Variants in NCAM1 observed in about 807,000 individuals in gnomAD.
NCAM1 encodes antigen recognized by monoclonal antibody 5.1H11.
NCAM1 carries 14 observed loss-of-function variants against 109.8 expected under a neutral mutation model. The ratio of observed to expected loss-of-function variants is 0.13; its 90% CI spans 0.08 to 0.20. The LOEUF is 0.20. NCAM1 is among the 10% of genes least tolerant of loss of function. The pLI, the probability that NCAM1 is intolerant of heterozygous loss-of-function variation, is 1.00. For missense variants in NCAM1, 774 were observed against 1,109.9 expected (o/e 0.70, Z 4.30); for synonymous variants, 418 against 442.9 (o/e 0.94, Z 0.70).
chr11:112,995,294 C>A (rs547905353), intron 1 of NCAM1, among the ~76,000 whole-genome samples: 1 of 152,090 alleles, frequency 6.6e-6, no homozygotes, highest in Non-Finnish European at 1.5e-5. Flanking sequence ...ACAGAATTGT[C>A]GGGTTTAGTA....
intron 1 of NCAM1, among the ~76,000 whole-genome samples, chr11:112,980,131 A>G (rs1297440355): frequency 2.0e-5 from 3 of 151,896 alleles, no homozygotes; most frequent in African/African-American, 7.2e-5. Context: ...TGTAAATCAA[A>G]GCCACAGTGA....
At chr11:112,984,353 A>G (rs1951236533) in intron 1 of NCAM1, among the ~76,000 whole-genome samples, 1 of 152,014 alleles carries the variant, frequency 6.6e-6, no homozygotes, top group Non-Finnish European at 1.5e-5. Context: ...CAGTGAACAT[A>G]GGAGTGCACA....
At chr11:113,141,809 A>G (rs1941835089) in intron 1 of NCAM1, among the ~76,000 whole-genome samples, 2 of 152,174 alleles carry the variant, frequency 1.3e-5, no homozygotes, top group South Asian at 4.2e-4. Context: ...CTCGTATATC[A>G]GTTGTCTGCA....
chr11:113,093,249 G>A (rs1308216735), intron 1 of NCAM1, among the ~76,000 whole-genome samples: 1 of 152,170 alleles, frequency 6.6e-6, no homozygotes, highest in African/African-American at 2.4e-5. Context: ...CAAGCAGCCA[G>A]CATGGAGCAG....
chr11:113,165,400 C>A (rs966485454), intron 1 of NCAM1, among the ~76,000 whole-genome samples: 2 of 152,166 alleles, frequency 1.3e-5, no homozygotes, highest in African/African-American at 4.8e-5. Context: ...AGTAGACTCA[C>A]TTAGTCTGTT....
chr11:113,269,136 G>A (rs1946210000), intron 17 of NCAM1, among the ~76,000 whole-genome samples: 1 of 152,116 alleles, frequency 6.6e-6, no homozygotes, highest in Non-Finnish European at 1.5e-5. Flanking sequence ...GACACTGATG[G>A]GAACCACCAA....
intron 17 of NCAM1, chr11:113,262,812 T>G: frequency 6.2e-7 from 1 of 1,610,962 alleles, no homozygotes. Flanking sequence ...AACAACCACA[T>G]TATCTCTGGG....
intron 1 of NCAM1, among the ~76,000 whole-genome samples, chr11:113,197,794 C>T (rs1943900430): frequency 6.6e-6 from 1 of 152,232 alleles, no homozygotes; most frequent in Admixed American, 6.5e-5. Flanking sequence ...CAAGAAGTTG[C>T]TGATTCATGT....
At chr11:113,156,589 A>G (rs2136312939) in intron 1 of NCAM1, among the ~76,000 whole-genome samples, 1 of 152,316 alleles carries the variant, frequency 6.6e-6, no homozygotes, top group African/African-American at 2.4e-5. Flanking sequence ...GACGTGGGCA[A>G]GAAGCAAGTA....
At chr11:112,992,571 G>C (rs1555070744) in intron 1 of NCAM1, among the ~76,000 whole-genome samples, 1 of 147,442 alleles carries the variant, frequency 6.8e-6, no homozygotes, top group East Asian at 2.0e-4. Context: ...GCGTGATCTC[G>C]GCTCATTGCA....
Position 113,151,029 on chromosome 11 carries a change from T to C in NCAM1, c.53-51350T>C, listed in dbSNP as rs376391584. On this transcript the variant is annotated intron_variant, in intron 1 of 19. Transcript: ENST00000316851. ...TCTAATAAGTAGTAGGAGCAGGATATGGCCAGTGAGACAAAGCAGTATTGA... is the reference window on the plus strand; with the variant it reads ...TCTAATAAGTAGTAGGAGCAGGATACGGCCAGTGAGACAAAGCAGTATTGA... 2.0e-5 allele frequency among the ~76,000 whole-genome samples: 3 copies of C among 152,284 alleles called. 1 individual carries two copies. The highest frequency in any genetic ancestry group is 1.9e-4 in the East Asian group (1 of 5,172).
At chr11:113,088,991 G>A (rs1469979367) in intron 1 of NCAM1, among the ~76,000 whole-genome samples, 2 of 152,148 alleles carry the variant, frequency 1.3e-5, no homozygotes, top group African/African-American at 4.8e-5. Context: ...CCAGATCTAT[G>A]CATTTCATTA....
At chr11:112,979,885 G>T (rs972470592) in intron 1 of NCAM1, among the ~76,000 whole-genome samples, 1 of 151,718 alleles carries the variant, frequency 6.6e-6, no homozygotes, top group Non-Finnish European at 1.5e-5. Flanking sequence ...GACTTCATAA[G>T]TATGCAAAAC....
At chr11:113,232,541 A>G (rs782049719) in intron 11 of NCAM1, among the ~76,000 whole-genome samples, 177 bp from the exon 12 acceptor site, 4 of 152,190 alleles carry the variant, frequency 2.6e-5, no homozygotes, top group South Asian at 2.1e-4. Context: ...CCCTCCCTGA[A>G]TGTGCCTCTC....
intron 1 of NCAM1, among the ~76,000 whole-genome samples, chr11:113,186,494 G>A (rs1943512456): frequency 1.3e-5 from 2 of 152,208 alleles, no homozygotes; most frequent in Non-Finnish European, 2.9e-5. Context: ...AACACAGTAA[G>A]AGGTTTGATT....
intron 1 of NCAM1, among the ~76,000 whole-genome samples, chr11:113,122,599 C>T (rs570999074): frequency 2.4e-4 from 36 of 152,218 alleles, no homozygotes; most frequent in African/African-American, 8.2e-4. Flanking sequence ...GCCTAACTAA[C>T]GTGTAGAAAC....
chr11:113,062,700 G>A (rs372623700), intron 1 of NCAM1, among the ~76,000 whole-genome samples: 7 of 152,104 alleles, frequency 4.6e-5, no homozygotes, highest in African/African-American at 9.7e-5. Flanking sequence ...GGCCAGGTGC[G>A]GTGGCTCATG....
chr11:113,089,913 A>C (rs1331584158), intron 1 of NCAM1, among the ~76,000 whole-genome samples: 1 of 152,224 alleles, frequency 6.6e-6, no homozygotes, highest in East Asian at 1.9e-4. Context: ...GTAATTGGAA[A>C]GGTTCTTGTC....
At chr11:113,249,140 G>A (rs981237958) in intron 15 of NCAM1, among the ~76,000 whole-genome samples, 7 of 152,216 alleles carry the variant, frequency 4.6e-5, no homozygotes, top group African/African-American at 1.2e-4. Flanking sequence ...ACACTGACTC[G>A]TACTAGGAAA....
Sources: gnomAD v4.1 joint callset for allele counts (sites outside exome capture counted in the v4.1 genomes callset) on GRCh38, gnomAD v4.1.1 for gene constraint, MANE v1.5 for transcripts, NCBI Gene and HGNC (gene_info 2026-07-23, HGNC 2026-07-21) for gene names.